COPB1: variants seen among roughly 807,000 people sequenced by gnomAD.
The protein encoded by COPB1 is coatomer subunit beta.
In COPB1, 21 loss-of-function variants were observed where a neutral mutation model predicts 108.7. The ratio of observed to expected loss-of-function variants is 0.19; its 90% confidence interval spans 0.14 to 0.28. The LOEUF (loss-of-function observed/expected upper bound fraction) is 0.28, where lower values mean the gene tolerates loss of function less well. COPB1 is among the 10% of genes least tolerant of loss of function. The pLI is 1.00. For missense variants in COPB1, 919 were observed against 1,141.3 expected (o/e 0.81, Z 2.81); for synonymous variants, 378 against 386.8 (o/e 0.98, Z 0.27).
At chr11:14,475,978 T>C (rs374872005) in intron 12 of COPB1, 33 bp from the exon 13 acceptor site, 19 of 1,530,714 alleles carry the variant, frequency 1.2e-5, no homozygotes, top group Admixed American at 6.0e-5. Flanking sequence ...ATTTTAGTAA[T>C]AGTATCAACA....
intron 4 of COPB1, among the ~76,000 whole-genome samples, 170 bp downstream of exon 4, chr11:14,493,472 G>A (rs1163798933): frequency 1.3e-5 from 2 of 152,190 alleles, no homozygotes; most frequent in African/African-American, 4.8e-5. Context: ...GCTAGGAACA[G>A]CGCTGCCAGA....
chr11:14,469,590 G>T, intron 14 of COPB1, 27 bp from the exon 15 acceptor site: 2 of 1,570,096 alleles, frequency 1.3e-6, no homozygotes, highest in South Asian at 1.1e-5. Flanking sequence ...ATCGGTTACT[G>T]ATATTGTCTT....
At chr11:14,491,848 T>C (rs183014672) in intron 4 of COPB1, among the ~76,000 whole-genome samples, 1 of 152,344 alleles carries the variant, frequency 6.6e-6, no homozygotes, top group East Asian at 1.9e-4. Flanking sequence ...TATCAATATA[T>C]TAAGAATTAC....
intron 5 of COPB1, among the ~76,000 whole-genome samples, chr11:14,489,726 T>G (rs1589967095): frequency 6.6e-6 from 1 of 152,038 alleles, no homozygotes; most frequent in Non-Finnish European, 1.5e-5. Flanking sequence ...GAGGAAGTGG[T>G]AATAAGGAGC....
intron 14 of COPB1, 102 bp from the exon 15 acceptor site, chr11:14,469,665 A>G (rs948816711): frequency 1.2e-5 from 12 of 989,426 alleles, no homozygotes; most frequent in Non-Finnish European, 1.7e-5. Flanking sequence ...CTTCACCTGA[A>G]TAAGATTTCA....
At position 14,457,801 on chromosome 11, in the gene COPB1, C is replaced by T. The variant is rs1850060583; in HGVS notation, c.*23G>A. The T allele has an allele frequency of 6.7e-7, 1 of 1,487,858 alleles. No individual in the cohort carries two copies. Among genetic ancestry groups the T allele is most frequent in the Non-Finnish European group, 9.4e-7 (1 of 1,068,378 alleles). 92.2% of individuals were successfully genotyped at this position (1,487,858 alleles called of 1,614,324 possible). A position where few individuals can be genotyped will look rare whatever the true frequency, so the allele number is the denominator to read the frequency against. Reference sequence around the variant, plus strand: ...GCCCATACCTAAATTAACTGTAAAGCTTCAAGGACTTTTTGTTTATTTTTA... The same window carrying T: ...GCCCATACCTAAATTAACTGTAAAGTTTCAAGGACTTTTTGTTTATTTTTA... On this transcript the variant is annotated 3_prime_UTR_variant, in exon 22 of 22. Transcript: ENST00000439561.
chr11:14,498,753 T>C, intron 2 of COPB1, 85 bp downstream of exon 2: 1 of 1,083,426 alleles, frequency 9.2e-7, no homozygotes, highest in Non-Finnish European at 1.3e-6. Flanking sequence ...TAAGCATTTC[T>C]AATTATAAAG....
intron 20 of COPB1, 73 bp from the exon 21 acceptor site, chr11:14,458,760 T>A: frequency 8.5e-6 from 11 of 1,286,760 alleles, no homozygotes; most frequent in Non-Finnish European, 1.1e-5. Flanking sequence ...ACAGCATAGG[T>A]GACTTTTTTT....
At chr11:14,498,014 G>A (rs565406755) in intron 2 of COPB1, among the ~76,000 whole-genome samples, 1 of 152,314 alleles carries the variant, frequency 6.6e-6, no homozygotes, top group East Asian at 1.9e-4. Flanking sequence ...CGGAGACAGA[G>A]TAAAAGGATG....
At chr11:14,498,797 T>C in intron 2 of COPB1, 41 bp downstream of exon 2, 2 of 1,488,256 alleles carry the variant, frequency 1.3e-6, no homozygotes, top group South Asian at 1.3e-5. Flanking sequence ...TTTTTGTTTT[T>C]TCTTTTTTCA....
intron 14 of COPB1, among the ~76,000 whole-genome samples, chr11:14,470,944 A>ACACACACACACACTCTCTCTCTCT (rs1285522756): frequency 2.2e-5 from 2 of 90,156 alleles, no homozygotes; most frequent in African/African-American, 1.0e-4. Context: ...ACACACACAC[A>ACACACACACACACTCTCTCTCTCT]CTCTCTCTCT....
At chr11:14,498,004 C>T (rs1230003187) in intron 2 of COPB1, among the ~76,000 whole-genome samples, 1 of 152,006 alleles carries the variant, frequency 6.6e-6, no homozygotes, top group African/African-American at 2.4e-5. Flanking sequence ...AACAAACTCA[C>T]GGAGACAGAG....
At chr11:14,479,046 A>C (rs2134112374) in intron 11 of COPB1, 1 of 151,800 alleles carries the variant, frequency 6.6e-6, no homozygotes, top group Non-Finnish European at 1.5e-5. Context: ...CACTTCCATA[A>C]ATATTAATAT....
At chr11:14,473,933 C>T (rs1422554460) in intron 14 of COPB1, 2 of 150,260 alleles carry the variant, frequency 1.3e-5, no homozygotes, top group African/African-American at 4.9e-5. Flanking sequence ...GCATTGTTTT[C>T]AACTTTCTAT....
intron 21 of COPB1, 110 bp downstream of exon 21, chr11:14,458,422 T>C: frequency 1.0e-6 from 1 of 1,000,774 alleles, no homozygotes; most frequent in Non-Finnish European, 1.5e-6. Context: ...TTATTGTATG[T>C]GTATATGCAT....
intron 2 of COPB1, among the ~76,000 whole-genome samples, chr11:14,498,129 T>A (rs919969750): frequency 2.6e-5 from 4 of 152,160 alleles, no homozygotes; most frequent in African/African-American, 9.7e-5. Context: ...GTAACTACAG[T>A]CAATAATAAT....
intron 15 of COPB1, 129 bp from the exon 16 acceptor site, chr11:14,468,989 C>CTT (rs1850345524): frequency 2.6e-6 from 2 of 778,586 alleles, no homozygotes; most frequent in African/African-American, 3.5e-5. Context: ...CCACAAAGCA[C>CTT]TTTTCTTTTC....
rs745864994 is a variant in COPB1 at position 14,494,264 on chromosome 11, AGTT to A, written c.264_266del (p.Thr89del). On this transcript the variant is annotated inframe_deletion, in exon 3 of 22. Transcript: ENST00000439561. ...TCTCATGTAAAAGTCTCCCATCTGG[AGTT>A]GTTTTAGGAACAATTTCCCAAAATA... The A allele has an allele frequency of 6.2e-7, 1 of 1,613,672 alleles. No homozygotes were observed. The highest frequency in any genetic ancestry group is 1.7e-5 in the Admixed American group (1 of 59,980).
chr11:14,466,202 T>G, intron 17 of COPB1, 80 bp downstream of exon 17: 10 of 1,321,180 alleles, frequency 7.6e-6, no homozygotes, highest in Non-Finnish European at 1.0e-5. Context: ...ATTTTTATAC[T>G]GAAACCTGTG....
Sources: gnomAD v4.1 joint callset for allele counts (sites outside exome capture counted in the v4.1 genomes callset) on GRCh38, gnomAD v4.1.1 for gene constraint, MANE v1.5 for transcripts, NCBI Gene and HGNC (gene_info 2026-07-23, HGNC 2026-07-21) for gene names.